DNAH8: variants seen among roughly 807,000 people sequenced by gnomAD.
DNAH8 encodes the protein dynein axonemal heavy chain 8.
Under a neutral mutation model 562.1 loss-of-function variants are expected in DNAH8, and 382 were observed. The observed-to-expected ratio is 0.68, with a 90% CI of 0.63 to 0.74. The LOEUF (loss-of-function observed/expected upper bound fraction) is 0.74. Among genes scored for constraint, DNAH8 ranks in the 30% least tolerant of loss-of-function variants. The pLI is 0.00. For missense variants in DNAH8, 5,203 were observed against 5,620.4 expected (o/e 0.93, Z 2.37); for synonymous variants, 1,881 against 1,919.4 (o/e 0.98, Z 0.52).
chr6:38,832,280 T>A, intron 30 of DNAH8, 42 bp from the exon 31 acceptor site: 1 of 1,289,660 alleles, frequency 7.8e-7, no homozygotes. Flanking sequence ...GTTTTTAATA[T>A]GTTACTTTCA....
intron 14 of DNAH8, among the ~76,000 whole-genome samples, chr6:38,778,939 A>C (rs1359646560): frequency 2.6e-5 from 4 of 152,220 alleles, no homozygotes; most frequent in Non-Finnish European, 5.9e-5. Context: ...ATATGTAGTG[A>C]AATGGTTGCT....
At chr6:38,769,574 T>C (rs1767359114) in intron 11 of DNAH8, among the ~76,000 whole-genome samples, 1 of 152,198 alleles carries the variant, frequency 6.6e-6, no homozygotes, top group Admixed American at 6.5e-5. Context: ...TCTGATTTAG[T>C]GGCTGCAGTG....
intron 91 of DNAH8, among the ~76,000 whole-genome samples, chr6:39,018,520 A>G (rs1766700618): frequency 6.6e-6 from 1 of 152,152 alleles, no homozygotes; most frequent in Admixed American, 6.5e-5. Context: ...ACCTCAGCCT[A>G]TGAGTGGCTC....
At chr6:38,810,208 G>C (rs977778768) in intron 24 of DNAH8, among the ~76,000 whole-genome samples, 1 of 152,000 alleles carries the variant, frequency 6.6e-6, no homozygotes, top group African/African-American at 2.4e-5. Flanking sequence ...TCTTTGCGGT[G>C]GATAATTTTC....
chr6:38,787,027 A>ATTTTTT, intron 18 of DNAH8, 75 bp downstream of exon 18: 1 of 630,016 alleles, frequency 1.6e-6, no homozygotes, highest in Non-Finnish European at 2.2e-6. Context: ...ATATATATAT[A>ATTTTTT]TCCCTGCAGT....
chr6:38,807,091 A>C (rs1771348390), intron 23 of DNAH8, among the ~76,000 whole-genome samples: 1 of 152,146 alleles, frequency 6.6e-6, no homozygotes, highest in South Asian at 2.1e-4. Flanking sequence ...AAACTTGGCT[A>C]CTTCTCCCAA....
chr6:38,973,569 A>G (rs1259455680), intron 83 of DNAH8, 92 bp from the exon 84 acceptor site: 1 of 993,128 alleles, frequency 1.0e-6, no homozygotes, highest in African/African-American at 1.7e-5. Flanking sequence ...CAGAGTATTC[A>G]CATGGTTTTT....
chr6:38,971,393 G>A (rs916477981), intron 82 of DNAH8, among the ~76,000 whole-genome samples, 199 bp from the exon 83 acceptor site: 2 of 151,670 alleles, frequency 1.3e-5, no homozygotes, highest in African/African-American at 4.8e-5. Context: ...ACGCTTTTCC[G>A]GGTGGTGCCT....
intron 77 of DNAH8, among the ~76,000 whole-genome samples, chr6:38,937,354 TA>T (rs11338690): frequency 0.42 from 61,961 of 148,546 alleles, 14,829 homozygotes; most frequent in Non-Finnish European, 0.55. Flanking sequence ...TAAAGTATAA[TA>T]AAAAAAAAAA....
intron 7 of DNAH8, 41 bp downstream of exon 7, chr6:38,738,013 C>CA (rs1182333599): frequency 1.3e-6 from 2 of 1,581,670 alleles, no homozygotes; most frequent in Non-Finnish European, 8.7e-7. Flanking sequence ...TAGTAGTTTT[C>CA]ATGTGCATCC....
Position 38,915,361 on chromosome 6 carries a change from C to G in DNAH8, c.10124C>G (p.Ala3375Gly). 1 of 1,595,052 alleles carries G rather than the reference C, an allele frequency of 6.3e-7. No individual in the cohort carries two copies. Among genetic ancestry groups the G allele is most frequent in the Non-Finnish European group, 8.5e-7 (1 of 1,173,412 alleles). The change falls in exon 68 of 93, where the codon GCA (alanine) becomes GGA (glycine). Residue 3375 changes from alanine (A) to glycine (G), a missense_variant. Around this residue, in one of 6 missense-constraint regions of DNAH8, gnomAD observed 87 missense variants for 144.9 expected, o/e 0.60. Coordinates refer to ENST00000327475, the MANE Select transcript of DNAH8 (RefSeq NM_001206927.2). ...LEAAKPALEE[A>G]EAALNTIKPN... is the part of the protein sequence containing the mutation. ...GCAGCTAAACCTGCACTGGAAGAAG[C>G]AGAAGCAGCCCTGAATGTGAGCAGT... is the stretch of plus-strand genomic sequence containing the variant.
intron 74 of DNAH8, 102 bp from the exon 75 acceptor site, chr6:38,929,409 C>T: frequency 1.7e-6 from 2 of 1,163,102 alleles, no homozygotes; most frequent in South Asian, 2.0e-5. Flanking sequence ...CTTCTATTGC[C>T]CTTAAAATTC....
At chr6:38,724,990 C>CT (rs1171098536) in intron 3 of DNAH8, among the ~76,000 whole-genome samples, 1 of 151,938 alleles carries the variant, frequency 6.6e-6, no homozygotes, top group Non-Finnish European at 1.5e-5. Context: ...AGCCAGGGTT[C>CT]TATGGAACCG....
intron 86 of DNAH8, 131 bp from the exon 87 acceptor site, chr6:38,984,075 G>A (rs1447235375): frequency 2.8e-5 from 16 of 575,562 alleles, no homozygotes; most frequent in Admixed American, 6.6e-5. Flanking sequence ...AATATAAGAC[G>A]ATGAATAATT....
chr6:38,761,316 T>A (rs1285314390), intron 10 of DNAH8, among the ~76,000 whole-genome samples: 1 of 135,348 alleles, frequency 7.4e-6, no homozygotes. Context: ...TGTGTCCATG[T>A]GTTCTCATTG....
intron 67 of DNAH8, 114 bp downstream of exon 67, chr6:38,914,066 T>A: frequency 1.4e-6 from 1 of 728,168 alleles, no homozygotes; most frequent in Non-Finnish European, 2.3e-6. Context: ...CAATTCCTGA[T>A]AAGATAGTGT....
chr6:38,745,334 G>A (rs1764838741), intron 8 of DNAH8, among the ~76,000 whole-genome samples: 1 of 152,078 alleles, frequency 6.6e-6, no homozygotes, highest in South Asian at 2.1e-4. Flanking sequence ...ACAATAAAAG[G>A]CTAATGCATT....
intron 11 of DNAH8, among the ~76,000 whole-genome samples, chr6:38,767,321 C>T (rs113646395): frequency 6.6e-6 from 1 of 152,010 alleles, no homozygotes; most frequent in Non-Finnish European, 1.5e-5. Flanking sequence ...CCTGTAGTCC[C>T]AGCTACTCAG....
chr6:38,990,194 A>G (rs765305854), intron 88 of DNAH8, 22 bp downstream of exon 88: 2 of 1,551,204 alleles, frequency 1.3e-6, no homozygotes, highest in Non-Finnish European at 1.8e-6. Flanking sequence ...GCATTTTTTA[A>G]TTTGAAGGGG....
Sources: gnomAD v4.1 joint callset for allele counts (sites outside exome capture counted in the v4.1 genomes callset) on GRCh38, gnomAD v4.1.1 for gene constraint, gnomAD v4.1.1 regional missense constraint, MANE v1.5 for transcripts, NCBI Gene and HGNC (gene_info 2026-07-23, HGNC 2026-07-21) for gene names.